ATG2B: variants seen among roughly 807,000 people sequenced by gnomAD.
ATG2B encodes the protein autophagy related 2B.
In ATG2B, 121 loss-of-function variants were observed where a neutral mutation model predicts 241.3. The ratio of observed to expected loss-of-function variants is 0.50; its 90% CI spans 0.43 to 0.58. The LOEUF (loss-of-function observed/expected upper bound fraction) is 0.58, where lower values mean the gene tolerates loss of function less well. Among genes scored for constraint, ATG2B ranks in the 20% least tolerant of loss-of-function variants. The probability of loss-of-function intolerance (pLI) is 0.00; values close to 1 mark genes in which losing one functional copy is unlikely to be tolerated. For missense variants in ATG2B, 2,306 were observed against 2,491.6 expected, an observed-to-expected ratio of 0.93 and a Z score of 1.59; for synonymous variants, 858 against 876.6, an observed-to-expected ratio of 0.98 and a Z score of 0.37.
At position 96,333,823 on chromosome 14, in the gene ATG2B, TG is replaced by T. The variant is rs1887803577; in HGVS notation, c.1071del (p.Met358CysfsTer13). 6.2e-7 allele frequency: 1 copy of T among 1,613,826 alleles called. No homozygotes were observed. On this transcript the variant is annotated frameshift_variant, in exon 8 of 42. Transcript: ENST00000359933. LOFTEE classifies it high-confidence loss of function. ...ATTCGATACTCGTCTTCCTGCTGCA[TG>T]GGTCGATTTTTCCTATCTTTATTAG... ...GLANKDRKNR[P>X]MQQEDEYRIQ...
intron 6 of ATG2B, 139 bp from the exon 7 acceptor site, chr14:96,334,640 A>T: frequency 2.0e-6 from 1 of 504,432 alleles, no homozygotes; most frequent in Non-Finnish European, 3.5e-6. Context: ...CTCTCTACTA[A>T]TTCACACCAT....
chr14:96,309,620 A>T, intron 28 of ATG2B, 26 bp from the exon 29 acceptor site: 1 of 1,581,308 alleles, frequency 6.3e-7, no homozygotes, highest in Non-Finnish European at 8.6e-7. Context: ...CTAATTAAAA[A>T]TAACTGAAAA....
rs1404240920 is a variant in ATG2B at position 96,322,601 on chromosome 14, T to A, written c.2675A>T (p.Asp892Val). Residue 892 changes from aspartate to valine, a missense_variant, in exon 17 of 42, where the codon GAT (aspartate) becomes GTT (valine). Asp to Val is a radical substitution (Grantham distance 152). Coordinates refer to ENST00000359933, the MANE Select transcript of ATG2B (RefSeq NM_018036.7). ...GGAHSLKDVC[D>V]LRRPAPSPFS... ...AGGAGATGGGGCTGGTCTTCTTAGA[T>A]CACAAACATCTTTCAAGGAATGAGC... 5 of 1,613,576 alleles carry A rather than the reference T, an allele frequency of 3.1e-6. No individual in the cohort carries two copies. Among genetic ancestry groups the A allele is most frequent in the Non-Finnish European group, 4.2e-6 (5 of 1,179,900 alleles).
intron 32 of ATG2B, among the ~76,000 whole-genome samples, chr14:96,304,241 G>C (rs1190536140): frequency 1.3e-5 from 2 of 152,216 alleles, no homozygotes; most frequent in African/African-American, 4.8e-5. Flanking sequence ...CCCTCCAGGG[G>C]ATTCTGGGCT....
chr14:96,291,119 A>C (rs1044360237), intron 38 of ATG2B, among the ~76,000 whole-genome samples, 184 bp from the exon 39 acceptor site: 2 of 152,194 alleles, frequency 1.3e-5, no homozygotes, highest in Non-Finnish European at 2.9e-5. Context: ...TTAACTCACA[A>C]CCTGAATTTC....
At chr14:96,352,573 GT>G (rs1039377999) in intron 1 of ATG2B, among the ~76,000 whole-genome samples, 32 of 150,526 alleles carry the variant, frequency 2.1e-4, no homozygotes, top group Non-Finnish European at 4.0e-4. Flanking sequence ...CCTAGGCTGT[GT>G]TTTTTTGCGT....
intron 14 of ATG2B, 104 bp downstream of exon 14, chr14:96,328,243 T>C (rs1887634800): frequency 1.5e-6 from 1 of 686,834 alleles, no homozygotes; most frequent in Admixed American, 3.2e-5. Context: ...CTATTTTAAT[T>C]ATACTGTTTA....
chr14:96,305,868 G>C, intron 30 of ATG2B, 53 bp from the exon 31 acceptor site: 1 of 1,387,816 alleles, frequency 7.2e-7, no homozygotes, highest in Non-Finnish European at 1.0e-6. Context: ...AGAAACAACT[G>C]ATTATGCTGC....
intron 20 of ATG2B, 96 bp downstream of exon 20, chr14:96,317,049 A>T (rs1400560998): frequency 8.2e-6 from 10 of 1,223,464 alleles, no homozygotes; most frequent in Non-Finnish European, 1.1e-5. Flanking sequence ...AAACAACTTC[A>T]AAATATCAAA....
At chr14:96,310,307 A>T (rs568066861) in intron 28 of ATG2B, among the ~76,000 whole-genome samples, 25 of 152,374 alleles carry the variant, frequency 1.6e-4, no homozygotes, top group African/African-American at 6.0e-4. Context: ...ATTAACACAA[A>T]TAAAGTGTAA....
At position 96,322,270 on chromosome 14, in the gene ATG2B, T is replaced by C. The variant is rs758570193; in HGVS notation, c.2737-16A>G. ...GCATCACCATCTAAAACATAATAGTTCAGTGCAAAAAAAAAGGCATCCATG... is the reference window on the plus strand; with the variant it reads ...GCATCACCATCTAAAACATAATAGTCCAGTGCAAAAAAAAAGGCATCCATG... On this transcript the variant is annotated splice_polypyrimidine_tract_variant and intron_variant, in intron 17 of 41. Coordinates refer to ENST00000359933, the MANE Select transcript of ATG2B (RefSeq NM_018036.7). 5.7e-6 allele frequency: 9 copies of C among 1,576,182 alleles called. No individual in the cohort carries two copies. In the South Asian group the frequency reaches 1.1e-4, roughly 19 times the overall value.
At position 96,345,285 on chromosome 14, in the gene ATG2B, T is replaced by C. The variant is rs575626071; in HGVS notation, c.426A>G (p.Glu142=). The C allele has an allele frequency of 6.2e-7, 1 of 1,613,532 alleles. No homozygotes were observed. The highest frequency in any genetic ancestry group is 1.3e-5 in the African/African-American group (1 of 75,026). The change falls in exon 3 of 42, where the codon GAA becomes GAG. Residue 142 remains glutamate, a synonymous_variant. Coordinates refer to ENST00000359933, the MANE Select transcript of ATG2B (RefSeq NM_018036.7). ...LSQKLTDEQG[E]GSQPFEGLEK... is the part of the protein sequence containing the mutation. The stretch of plus-strand genomic sequence containing the variant: ...CAAGTCCTTCAAAAGGCTGGGATCC[T>C]TCTCCTTGTTCATCTGTTAGTTTCT...
At chr14:96,287,356 G>A (rs571655194) in intron 41 of ATG2B, among the ~76,000 whole-genome samples, 1 of 151,262 alleles carries the variant, frequency 6.6e-6, no homozygotes, top group Non-Finnish European at 1.5e-5. Flanking sequence ...GAAACCATGA[G>A]CACAACAATG....
At chr14:96,322,480 G>A (rs951172116) in intron 17 of ATG2B, 60 bp downstream of exon 17, 32 of 1,493,340 alleles carry the variant, frequency 2.1e-5, no homozygotes, top group Non-Finnish European at 2.7e-5. Flanking sequence ...AAAATCAAAA[G>A]CATTGCTCTA....
At chr14:96,360,179 A>T (rs1465658901) in intron 1 of ATG2B, among the ~76,000 whole-genome samples, 1 of 152,264 alleles carries the variant, frequency 6.6e-6, no homozygotes, top group African/African-American at 2.4e-5. Flanking sequence ...ATTTAAAGAT[A>T]AGCATTTTCC....
At chr14:96,297,729 AT>A (rs948579039) in intron 34 of ATG2B, among the ~76,000 whole-genome samples, 1 of 152,006 alleles carries the variant, frequency 6.6e-6, no homozygotes, top group African/African-American at 2.4e-5. Flanking sequence ...TGTTCTCAAA[AT>A]TTTTTGATTT....
chr14:96,308,967 C>G, intron 29 of ATG2B, among the ~76,000 whole-genome samples: 1 of 152,272 alleles, frequency 6.6e-6, no homozygotes, highest in Middle Eastern at 3.4e-3. Flanking sequence ...AACTGAGGCT[C>G]ATGCATGCCT....
At chr14:96,316,789 A>G in intron 20 of ATG2B, 106 bp from the exon 21 acceptor site, 1 of 923,540 alleles carries the variant, frequency 1.1e-6, no homozygotes, top group Non-Finnish European at 1.6e-6. Flanking sequence ...AATCTCCCAT[A>G]CTGCAGCAAA....
chr14:96,334,267 T>G, intron 7 of ATG2B, 138 bp downstream of exon 7: 1 of 622,912 alleles, frequency 1.6e-6, no homozygotes. Flanking sequence ...ATTTTACTAC[T>G]TAACATTCTT....
Sources: allele counts gnomAD v4.1 joint callset (sites outside exome capture counted in the v4.1 genomes callset), GRCh38; gene constraint gnomAD v4.1.1; transcripts MANE v1.5; gene names NCBI Gene and HGNC (gene_info 2026-07-23, HGNC 2026-07-21).